GMFG: variants seen among roughly 807,000 people sequenced by gnomAD.
The protein encoded by GMFG is glia maturation factor gamma.
In GMFG, 21 loss-of-function variants were observed where a neutral mutation model predicts 26.1. The observed-to-expected ratio is 0.80, with a 90% CI of 0.57 to 1.16. GMFG has a LOEUF of 1.16. Among genes scored for constraint, GMFG ranks in the 50% most tolerant of loss-of-function variants. GMFG has a pLI of 0.00. For synonymous variants in GMFG, 65 were observed against 60.8 expected (o/e 1.07, Z -0.32); for missense variants, 161 against 178.3 (o/e 0.90, Z 0.55).
At chr19:39,330,426 C>CT (rs1001139553) in intron 4 of GMFG, among the ~76,000 whole-genome samples, 84 of 148,432 alleles carry the variant, frequency 5.7e-4, no homozygotes, top group African/African-American at 9.6e-4. Flanking sequence ...TGATCATCGT[C>CT]TTTTTTTTTT....
In GMFG at chr19:39,328,546, C is replaced by T; in HGVS notation, c.360G>A (p.Val120=). The T allele has an allele frequency of 6.2e-7, 1 of 1,610,718 alleles. No homozygotes were observed. The highest frequency in any genetic ancestry group is 1.7e-5 in the Admixed American group (1 of 59,990). Residue 120 remains valine, a splice_region_variant and synonymous_variant, in exon 7 of 7, where the codon GTG becomes GTA. Transcript: ENST00000597595. ...GGTCATCAGTGGTGCGGATTTCGAA[C>T]ACCTGGGCAGAGAGAGGTCTCGGCA... is the stretch of plus-strand genomic sequence containing the variant. ...RLVQTAELTK[V]FEIRTTDDLT... is the part of the protein sequence containing the mutation.
Position 39,335,197 on chromosome 19 carries a change from C to T in GMFG, c.150+64G>A, listed in dbSNP as rs1233789966. 3 of 1,317,214 alleles carry T rather than the reference C, an allele frequency of 2.3e-6. No individual in the cohort carries two copies. The East Asian group carries it at 6.9e-5, about 30-fold the overall frequency. The allele number at this position is 1,317,214 out of a possible 1,614,324, so 81.6% of individuals were successfully genotyped here. On this transcript the variant is annotated intron_variant, in intron 3 of 6. Coordinates refer to ENST00000597595, the MANE Select transcript of GMFG (RefSeq NM_004877.4). Reference sequence around the variant, plus strand: ...CCATGCCAGGCTCTTCATATCAGTTCCAACCACTTGGTTCTCCCAGTCTCA... The same window carrying T: ...CCATGCCAGGCTCTTCATATCAGTTTCAACCACTTGGTTCTCCCAGTCTCA...
At chr19:39,333,034 C>T (rs1354498342) in intron 4 of GMFG, 43 bp downstream of exon 4, 14 of 1,398,288 alleles carry the variant, frequency 1.0e-5, no homozygotes, top group Non-Finnish European at 1.4e-5. Context: ...AACATCACCC[C>T]TCCCCTCATG....
intron 6 of GMFG, 110 bp downstream of exon 6, chr19:39,328,890 A>AG (rs1302224443): frequency 1.2e-6 from 1 of 858,892 alleles, no homozygotes; most frequent in Admixed American, 1.9e-5. Flanking sequence ...AAAAAAACAA[A>AG]AACAAAAACA....
chr19:39,335,886 C>T (rs2075247874), intron 1 of GMFG, 88 bp downstream of exon 1: 4 of 913,130 alleles, frequency 4.4e-6, no homozygotes, highest in Non-Finnish European at 7.2e-6. Flanking sequence ...TGACCTCCAT[C>T]CCATAGCCTG....
At chr19:39,335,239 C>T (rs973040883) in intron 3 of GMFG, 22 bp downstream of exon 3, 6 of 1,539,612 alleles carry the variant, frequency 3.9e-6, no homozygotes, top group African/African-American at 1.4e-5. Flanking sequence ...ACCTCCCAGT[C>T]CCAATCACCC....
chr19:39,334,173 C>T (rs1230107488), intron 3 of GMFG, among the ~76,000 whole-genome samples: 4 of 151,992 alleles, frequency 2.6e-5, no homozygotes, highest in Middle Eastern at 3.4e-3. Context: ...CCCGCCACCA[C>T]ACCCAGCTAA....
rs142875775 is a variant in GMFG at position 39,335,293 on chromosome 19, G to C, written c.118C>G (p.Arg40Gly). Residue 40 changes from arginine to glycine, a missense_variant, in exon 3 of 7, where the codon CGG becomes GGG. Arg to Gly is a moderately radical substitution (Grantham distance 125). Coordinates refer to ENST00000597595, the MANE Select transcript of GMFG (RefSeq NM_004877.4). ...AAIIMKVDKDRQMVVLEEEFQ... is the reference protein window; with the variant it reads ...AAIIMKVDKDGQMVVLEEEFQ... Reference sequence around the variant, plus strand: ...TCTTCCTCCAGCACCACCATCTGCCGGTCTTTGTCCACCTTCACTGGGGAG... The same window carrying C: ...TCTTCCTCCAGCACCACCATCTGCCCGTCTTTGTCCACCTTCACTGGGGAG... 7.0e-6 allele frequency: 11 copies of C among 1,565,426 alleles called. No homozygotes were observed. The South Asian group carries it at 1.2e-4, about 17-fold the overall frequency.
intron 6 of GMFG, chr19:39,328,785 G>A: frequency 4.9e-6 from 3 of 613,780 alleles, no homozygotes; most frequent in Non-Finnish European, 8.7e-6. Context: ...GGCTGAGGCA[G>A]GAGAATTGCT....
At chr19:39,335,819 G>A (rs1198583475) in intron 1 of GMFG, among the ~76,000 whole-genome samples, 155 bp downstream of exon 1, 2 of 152,086 alleles carry the variant, frequency 1.3e-5, no homozygotes, top group African/African-American at 4.8e-5. Flanking sequence ...CAGAGCCACT[G>A]TCTCTCTGTT....
chr19:39,333,141 C>G lies in GMFG; in HGVS notation c.151-15G>C, dbSNP rs1316203522. On this transcript the variant is annotated splice_polypyrimidine_tract_variant and intron_variant, in intron 3 of 6. Transcript: ENST00000597595. Reference sequence around the variant, plus strand: ...GGGGAAATGTTCTGAGGCAAGAAAACAGAAGAAAAGACAAAGAATGAGGCA... The same window carrying G: ...GGGGAAATGTTCTGAGGCAAGAAAAGAGAAGAAAAGACAAAGAATGAGGCA... The G allele has an allele frequency of 9.6e-6, 15 of 1,568,002 alleles. No homozygotes were observed. The highest frequency in any genetic ancestry group is 1.3e-5 in the Non-Finnish European group (15 of 1,148,400).
chr19:39,333,598 A>T (rs2075236196), intron 3 of GMFG, among the ~76,000 whole-genome samples: 1 of 152,018 alleles, frequency 6.6e-6, no homozygotes. Context: ...AAAAAAAAAA[A>T]AAAGAATGAC....
intron 4 of GMFG, among the ~76,000 whole-genome samples, chr19:39,331,142 G>T (rs1226559141): frequency 6.6e-6 from 1 of 152,146 alleles, no homozygotes; most frequent in African/African-American, 2.4e-5. Context: ...TGTCAGGCAA[G>T]GGGTGCCTTC....
At chr19:39,329,199 C>T in intron 5 of GMFG, 126 bp from the exon 6 acceptor site, 1 of 648,946 alleles carries the variant, frequency 1.5e-6, no homozygotes. Flanking sequence ...GAGGTCCCTG[C>T]ACTGTACTCA....
chr19:39,331,383 C>T (rs901126792), intron 4 of GMFG, among the ~76,000 whole-genome samples: 2 of 152,218 alleles, frequency 1.3e-5, no homozygotes, highest in African/African-American at 4.8e-5. Flanking sequence ...CCGTTAACCC[C>T]CATGTGTGAG....
chr19:39,335,896 G>T, intron 1 of GMFG, 78 bp downstream of exon 1: 2 of 997,068 alleles, frequency 2.0e-6, no homozygotes, highest in South Asian at 1.3e-5. Flanking sequence ...CCCATAGCCT[G>T]ACCTTCGCCC....
At chr19:39,330,021 G>C (rs886383858) in intron 4 of GMFG, among the ~76,000 whole-genome samples, 5 of 152,188 alleles carry the variant, frequency 3.3e-5, no homozygotes, top group Non-Finnish European at 5.9e-5. Flanking sequence ...AGAGGTTGCA[G>C]TGAGCCAAGA....
At chr19:39,335,750 A>C (rs1288444496) in intron 1 of GMFG, among the ~76,000 whole-genome samples, 2 of 152,054 alleles carry the variant, frequency 1.3e-5, no homozygotes, top group East Asian at 1.9e-4. Flanking sequence ...CGCCTTCTCC[A>C]CGGGGACTCT....
chr19:39,333,568 C>A (rs1332972421), intron 3 of GMFG, among the ~76,000 whole-genome samples: 1 of 138,368 alleles, frequency 7.2e-6, no homozygotes, highest in South Asian at 2.3e-4. Context: ...CAAAAAAGAT[C>A]GAAACTCCGT....
Sources: allele counts gnomAD v4.1 joint callset (sites outside exome capture counted in the v4.1 genomes callset), GRCh38; gene constraint gnomAD v4.1.1; transcripts MANE v1.5; gene names NCBI Gene and HGNC (gene_info 2026-07-23, HGNC 2026-07-21).